Variants in FSTL5 observed in about 807,000 individuals in gnomAD.
The protein encoded by FSTL5 is follistatin-related protein 5.
A neutral mutation model predicts 89.1 loss-of-function variants in FSTL5; 62 were observed. The observed-to-expected ratio is 0.70, with a 90% CI of 0.57 to 0.86. The LOEUF is 0.86. Ranked by LOEUF, FSTL5 falls within the 40% of genes least tolerant of loss-of-function variation. The probability of loss-of-function intolerance (pLI) is 0.00; values close to 1 mark genes in which losing one functional copy is unlikely to be tolerated. For missense variants in FSTL5, 1,057 were observed against 1,001.6 expected, an observed-to-expected ratio of 1.06 and a Z score of -0.75; for synonymous variants, 383 against 346.2, an observed-to-expected ratio of 1.11 and a Z score of -1.18.
At chr4:161,846,066 G>GAA (rs1731359424) in intron 4 of FSTL5, among the ~76,000 whole-genome samples, 1 of 149,970 alleles carries the variant, frequency 6.7e-6, no homozygotes, top group Non-Finnish European at 1.5e-5. Context: ...AAAAAAAATT[G>GAA]TGAATTGTGT....
intron 4 of FSTL5, among the ~76,000 whole-genome samples, chr4:161,802,077 G>A (rs1305659894): frequency 1.3e-5 from 2 of 151,602 alleles, no homozygotes; most frequent in Admixed American, 1.3e-4. Context: ...TTCTGTTCAT[G>A]AAAAGAAGCC....
Position 161,633,291 on chromosome 4 carries a change from T to TTTTTTA in FSTL5, c.894+23036_894+23037insTAAAAA, listed in dbSNP as rs70937669. Among the ~76,000 whole-genome samples the TTTTTTA allele has an allele frequency of 5.7e-3, 799 of 140,706 alleles. 6 individuals carry two copies. Among genetic ancestry groups the TTTTTTA allele is most frequent in the African/African-American group, 0.019 (730 of 38,500 alleles). The allele number at this position is 140,706 out of a possible 152,430, so 92.3% of individuals were successfully genotyped here. On this transcript the variant is annotated intron_variant, in intron 7 of 15. Coordinates refer to ENST00000306100, the MANE Select transcript of FSTL5 (RefSeq NM_020116.5). ...TTTCTGTGTCTTTAAACTAATTCTT[T>TTTTTTA]TTATTATTATTATTATTATTATTAT...
At chr4:161,643,336 C>A (rs1736033128) in intron 7 of FSTL5, among the ~76,000 whole-genome samples, 1 of 152,140 alleles carries the variant, frequency 6.6e-6, no homozygotes, top group Admixed American at 6.6e-5. Flanking sequence ...CTGGCTGTCA[C>A]CTAAACTGAA....
intron 4 of FSTL5, among the ~76,000 whole-genome samples, chr4:161,809,252 A>G (rs1297680465): frequency 6.6e-6 from 1 of 152,084 alleles, no homozygotes; most frequent in Non-Finnish European, 1.5e-5. Flanking sequence ...AATCCAAAAT[A>G]CAATGAGCTA....
chr4:161,610,695 G>A (rs17343028), intron 7 of FSTL5, among the ~76,000 whole-genome samples: 26,077 of 151,996 alleles, frequency 0.17, 2,737 homozygotes, highest in Non-Finnish European at 0.21. Flanking sequence ...GGACTCTGCT[G>A]CAAATTTCTT....
In FSTL5 at chr4:161,521,577, G is replaced by A. The variant is rs201551800; in HGVS notation, c.1313-11153C>T. Among the ~76,000 whole-genome samples, 19 of 152,062 alleles carry A rather than the reference G, an allele frequency of 1.2e-4. No homozygotes were observed. In the East Asian group the frequency reaches 3.5e-3, roughly 28 times the overall value. The stretch of plus-strand genomic sequence containing the variant: ...TAAAGAAAAACTGGTGGCCGGGCGC[G>A]GTGGCTCATGCCTCTAACCCCAGCA... On this transcript the variant is annotated intron_variant, in intron 10 of 15. Transcript: ENST00000306100.
intron 3 of FSTL5, among the ~76,000 whole-genome samples, chr4:161,948,643 T>A (rs1316610280): frequency 6.6e-6 from 1 of 151,926 alleles, no homozygotes; most frequent in Non-Finnish European, 1.5e-5. Context: ...AGATGGGGTT[T>A]CACCATGTTG....
chr4:161,495,822 T>C (rs1286787728), intron 12 of FSTL5, among the ~76,000 whole-genome samples: 1 of 152,108 alleles, frequency 6.6e-6, no homozygotes, highest in Non-Finnish European at 1.5e-5. Context: ...ATGGGAAAAA[T>C]GGTTCCAAAA....
chr4:161,917,733 A>G (rs1733880005), intron 4 of FSTL5, among the ~76,000 whole-genome samples: 1 of 152,172 alleles, frequency 6.6e-6, no homozygotes, highest in Non-Finnish European at 1.5e-5. Context: ...AGCAGGGGTT[A>G]ACAAACTTTT....
intron 2 of FSTL5, among the ~76,000 whole-genome samples, chr4:162,039,783 T>C (rs1189345039): frequency 6.6e-6 from 1 of 151,942 alleles, no homozygotes; most frequent in Non-Finnish European, 1.5e-5. Flanking sequence ...AATTTACAAA[T>C]TAGCAAAAGA....
intron 3 of FSTL5, among the ~76,000 whole-genome samples, chr4:161,964,970 C>T (rs184392316): frequency 1.3e-5 from 2 of 151,996 alleles, no homozygotes; most frequent in African/African-American, 4.8e-5. Flanking sequence ...TATTCTAGAG[C>T]AAGATAATGC....
At chr4:161,475,098 T>C (rs1734086993) in intron 13 of FSTL5, among the ~76,000 whole-genome samples, 1 of 151,642 alleles carries the variant, frequency 6.6e-6, no homozygotes, top group African/African-American at 2.4e-5. Context: ...CCATAGTTTC[T>C]AGTAATAAAT....
intron 4 of FSTL5, among the ~76,000 whole-genome samples, chr4:161,866,826 A>G (rs1732107723): frequency 1.3e-5 from 2 of 151,982 alleles, no homozygotes; most frequent in Admixed American, 1.3e-4. Flanking sequence ...ATGAGAGATG[A>G]ACCCATTTGG....
intron 15 of FSTL5, among the ~76,000 whole-genome samples, chr4:161,445,797 T>A (rs966135770): frequency 6.6e-6 from 1 of 152,010 alleles, no homozygotes; most frequent in Non-Finnish European, 1.5e-5. Flanking sequence ...TTCATGTGCT[T>A]CAGTTTTGTT....
intron 4 of FSTL5, among the ~76,000 whole-genome samples, chr4:161,911,669 G>A (rs1460357725): frequency 1.3e-5 from 2 of 152,126 alleles, no homozygotes; most frequent in Admixed American, 6.6e-5. Flanking sequence ...TTATCGAAAC[G>A]AGAGGGCCAA....
At chr4:162,060,651 G>A (rs995573921) in intron 2 of FSTL5, among the ~76,000 whole-genome samples, 3 of 151,016 alleles carry the variant, frequency 2.0e-5, no homozygotes, top group African/African-American at 2.4e-5. Flanking sequence ...TCTCTGGATT[G>A]TTATTTGATT....
At chr4:161,808,033 G>A (rs1021668940) in intron 4 of FSTL5, among the ~76,000 whole-genome samples, 5 of 152,058 alleles carry the variant, frequency 3.3e-5, no homozygotes, top group African/African-American at 1.2e-4. Context: ...AAAAATAACT[G>A]GCTGAAATGT....
At chr4:161,899,082 A>G (rs985684014) in intron 4 of FSTL5, among the ~76,000 whole-genome samples, 9 of 152,250 alleles carry the variant, frequency 5.9e-5, no homozygotes, top group African/African-American at 2.2e-4. Context: ...CAATATTTGA[A>G]GGAGATCTGG....
chr4:161,855,753 T>C (rs865879863), intron 4 of FSTL5, among the ~76,000 whole-genome samples: 1 of 152,116 alleles, frequency 6.6e-6, no homozygotes, highest in South Asian at 2.1e-4. Context: ...GTTAATTTTA[T>C]CACATTTAGC....
Sources: gnomAD v4.1 joint callset for allele counts (sites outside exome capture counted in the v4.1 genomes callset) on GRCh38, gnomAD v4.1.1 for gene constraint, MANE v1.5 for transcripts, NCBI Gene and HGNC (gene_info 2026-07-23, HGNC 2026-07-21) for gene names.